Variants in SLC36A1 observed in about 807,000 individuals in gnomAD.
The protein encoded by SLC36A1 is solute carrier family 36 member 1.
Under a neutral mutation model 47.5 loss-of-function variants are expected in SLC36A1, and 30 were observed. That is an observed-to-expected ratio of 0.63 (90% CI 0.47 to 0.86). The LOEUF is 0.86. SLC36A1 is among the 40% of genes least tolerant of loss of function. The probability of loss-of-function intolerance (pLI) is 0.00; values close to 1 mark genes in which losing one functional copy is unlikely to be tolerated. For missense variants in SLC36A1, 517 were observed against 606.0 expected (o/e 0.85, Z 1.54); for synonymous variants, 255 against 249.7 (o/e 1.02, Z -0.20).
At chr5:151,467,968 T>TA (rs1561758809) in intron 7 of SLC36A1, 43 bp downstream of exon 7, 3 of 1,566,870 alleles carry the variant, frequency 1.9e-6, no homozygotes, top group Non-Finnish European at 2.6e-6. Context: ...TTCAATATTT[T>TA]AAAAAAGCCA....
At position 151,476,561 on chromosome 5, in the gene SLC36A1, T is replaced by TGAG. The variant is rs758892287; in HGVS notation, c.823-29_823-28insGAG. 2.8e-6 allele frequency: 4 copies of TGAG among 1,441,088 alleles called. No homozygotes were observed. In the East Asian group the frequency reaches 7.2e-5, roughly 26 times the overall value. 89.3% of individuals were successfully genotyped at this position (1,441,088 alleles called of 1,614,324 possible). A position where few individuals can be genotyped will look rare whatever the true frequency, so the allele number is the denominator to read the frequency against. ...CATTAACTTTTCTTTTTTCTGCACT[T>TGAG]TCTCTCCTCTCTCACTACTCTCTCA... is the stretch of plus-strand genomic sequence containing the variant. On this transcript the variant is annotated intron_variant, in intron 8 of 10. Coordinates refer to ENST00000243389, the MANE Select transcript of SLC36A1 (RefSeq NM_078483.4).
the SLC36A1 span, among the ~76,000 whole-genome samples, chr5:151,426,758 C>G: frequency 6.6e-6 from 1 of 152,152 alleles, no homozygotes; most frequent in Non-Finnish European, 1.5e-5. Flanking sequence ...CTTTCCCTTC[C>G]CACGAGGCCA....
chr5:151,347,200 A>G, the SLC36A1 span: 5 of 1,451,954 alleles, frequency 3.4e-6, no homozygotes, highest in African/African-American at 7.0e-5. Context: ...TCATCTGCAC[A>G]GTGGGTTGAG....
chr5:151,549,469 C>T, the SLC36A1 span: 11 of 1,614,004 alleles, frequency 6.8e-6, no homozygotes, highest in African/African-American at 2.7e-5. Context: ...GTCACCCACA[C>T]GAAGTTCCTC....
the SLC36A1 span, among the ~76,000 whole-genome samples, chr5:151,498,846 T>A: frequency 9.0e-3 from 1,371 of 152,240 alleles, 12 homozygotes; most frequent in African/African-American, 0.018. Context: ...TCCTGGCCAG[T>A]TCAGTCAGAA....
chr5:151,538,342 G>C, the SLC36A1 span, among the ~76,000 whole-genome samples: 2 of 152,172 alleles, frequency 1.3e-5, no homozygotes, highest in Non-Finnish European at 2.9e-5. Context: ...GCCTGATATA[G>C]GCATTCTGGA....
the SLC36A1 span, among the ~76,000 whole-genome samples, chr5:151,360,133 T>C: frequency 1.3e-5 from 2 of 152,226 alleles, no homozygotes; most frequent in Non-Finnish European, 2.9e-5. Flanking sequence ...AATTTTTTGC[T>C]TAAAGTGGTG....
Position 151,467,940 on chromosome 5 carries a change from C to T in SLC36A1, c.723+15C>T, listed in dbSNP as rs766440064. 5.9e-5 allele frequency: 94 copies of T among 1,605,758 alleles called. 1 individual carries two copies. The South Asian group carries it at 7.5e-4, about 13-fold the overall frequency. On this transcript the variant is annotated intron_variant, in intron 7 of 10. Transcript: ENST00000243389. ...TCATTGTTCAGGTACATGCCTAGGC[C>T]CTCTCCTATCATCTTGGTTCAATAT...
the SLC36A1 span, among the ~76,000 whole-genome samples, chr5:151,354,683 GAC>G: frequency 6.6e-6 from 1 of 152,182 alleles, no homozygotes; most frequent in Admixed American, 6.5e-5. Flanking sequence ...AGAAAAGACA[GAC>G]AGTTTCATGC....
the SLC36A1 span, chr5:151,553,488 C>A: frequency 2.0e-6 from 2 of 990,254 alleles, no homozygotes; most frequent in South Asian, 1.5e-5. Flanking sequence ...TCTGACCAAG[C>A]AGGCCTCTCA....
chr5:151,529,152 C>T, the SLC36A1 span: 2 of 1,608,428 alleles, frequency 1.2e-6, no homozygotes, highest in South Asian at 2.2e-5. Flanking sequence ...TCTTGTCCCA[C>T]AAAGAGCAAG....
the SLC36A1 span, chr5:151,510,349 T>G: frequency 3.1e-6 from 2 of 647,014 alleles, no homozygotes; most frequent in Non-Finnish European, 5.2e-6. Context: ...CCAAGAGCAC[T>G]TTGGTCCCTG....
the SLC36A1 span, chr5:151,521,787 G>A: frequency 3.1e-6 from 5 of 1,614,086 alleles, no homozygotes; most frequent in East Asian, 2.2e-5. Context: ...CGCTGACCGT[G>A]ACGTTGAACG....
At chr5:151,445,166 G>A (rs1752845670), upstream of SLC36A1, among the ~76,000 whole-genome samples, 1 of 152,122 alleles carries the variant, frequency 6.6e-6, no homozygotes, top group African/African-American at 2.4e-5. Flanking sequence ...AAGAAGGTAT[G>A]TTGGGGTGGG....
rs1476886279 is a variant in SLC36A1 at position 151,467,909 on chromosome 5, A to G, written c.707A>G (p.Tyr236Cys). 5.6e-6 allele frequency: 9 copies of G among 1,612,774 alleles called. No homozygotes were observed. Among genetic ancestry groups the G allele is most frequent in the Non-Finnish European group, 6.8e-6 (8 of 1,179,594 alleles). The change falls in exon 7 of 11, where the codon TAC becomes TGC. Residue 236 changes from tyrosine (Y) to cysteine (C), a missense_variant. Physicochemically the swap from Tyr to Cys is radical, Grantham distance 194 (BLOSUM62 -2). Transcript: ENST00000243389. ...ITMLVSLVMI[Y>C]QFIVQRIPDP... ...ATGCTGGTCAGCTTGGTCATGATCT[A>G]CCAGTTCATTGTTCAGGTACATGCC...
At chr5:151,487,120 C>T (rs1469016504) in intron 10 of SLC36A1, among the ~76,000 whole-genome samples, 1 of 152,226 alleles carries the variant, frequency 6.6e-6, no homozygotes, top group Non-Finnish European at 1.5e-5. Context: ...AGTTCCAGAG[C>T]CCACAGGCCT....
At chr5:151,451,652 T>C (rs767355495) in intron 1 of SLC36A1, among the ~76,000 whole-genome samples, 4 of 152,236 alleles carry the variant, frequency 2.6e-5, no homozygotes, top group Non-Finnish European at 4.4e-5. Flanking sequence ...TTATTTATTT[T>C]TTCCTCCTAT....
At chr5:151,499,367 A>T in the SLC36A1 span, among the ~76,000 whole-genome samples, 1 of 152,170 alleles carries the variant, frequency 6.6e-6, no homozygotes, top group Non-Finnish European at 1.5e-5. Context: ...CTGGCACCCT[A>T]GCAGGCTGGC....
upstream of SLC36A1, chr5:151,437,006 G>C (rs764602576): frequency 6.6e-6 from 1 of 152,200 alleles, no homozygotes; most frequent in Non-Finnish European, 1.5e-5. Flanking sequence ...TAACACTGAG[G>C]TCTGCCCACC....
Sources: allele counts gnomAD v4.1 joint callset (sites outside exome capture counted in the v4.1 genomes callset), GRCh38; gene constraint gnomAD v4.1.1; transcripts MANE v1.5; gene names NCBI Gene and HGNC (gene_info 2026-07-23, HGNC 2026-07-21).